SNTB1: variants seen among roughly 807,000 people sequenced by gnomAD.
SNTB1 encodes beta-1-syntrophin.
SNTB1 carries 36 observed loss-of-function variants against 48.9 expected under a neutral mutation model. The ratio of observed to expected loss-of-function variants is 0.74; its 90% CI spans 0.56 to 0.97. SNTB1 has a LOEUF of 0.97. Among genes scored for constraint, SNTB1 ranks in the 50% least tolerant of loss-of-function variants. SNTB1 has a pLI of 0.00. For missense variants in SNTB1, 786 were observed against 703.4 expected, an observed-to-expected ratio of 1.12 and a Z score of -1.33; for synonymous variants, 299 against 294.6, an observed-to-expected ratio of 1.01 and a Z score of -0.15.
At chr8:120,608,653 A>G (rs1816566520) in intron 3 of SNTB1, among the ~76,000 whole-genome samples, 1 of 152,244 alleles carries the variant, frequency 6.6e-6, no homozygotes, top group African/African-American at 2.4e-5. Context: ...GTACTTTGCT[A>G]TGGCAGACTT....
At chr8:120,577,500 G>A (rs1024089694) in intron 3 of SNTB1, among the ~76,000 whole-genome samples, 8 of 152,108 alleles carry the variant, frequency 5.3e-5, no homozygotes, top group Admixed American at 5.2e-4. Flanking sequence ...TGGGGTAGGG[G>A]GAAGGGGGTT....
chr8:120,684,337 T>C (rs1817990617), intron 2 of SNTB1, among the ~76,000 whole-genome samples: 1 of 152,224 alleles, frequency 6.6e-6, no homozygotes, highest in African/African-American at 2.4e-5. Context: ...CCCAAATTCA[T>C]GTCTTTCTCA....
intron 2 of SNTB1, among the ~76,000 whole-genome samples, chr8:120,674,631 A>G (rs1288016763): frequency 1.3e-5 from 2 of 152,162 alleles, no homozygotes; most frequent in East Asian, 1.9e-4. Flanking sequence ...TTACATTCTT[A>G]TAGCATCATA....
chr8:120,713,877 T>C (rs1818509790), intron 1 of SNTB1, among the ~76,000 whole-genome samples: 1 of 152,120 alleles, frequency 6.6e-6, no homozygotes, highest in African/African-American at 2.4e-5. Flanking sequence ...ATGTAGGCAT[T>C]AAAAGAGATA....
chr8:120,645,132 T>C (rs987705068), intron 2 of SNTB1, among the ~76,000 whole-genome samples: 2 of 151,644 alleles, frequency 1.3e-5, no homozygotes, highest in African/African-American at 4.8e-5. Flanking sequence ...ACTCTGATGG[T>C]AGTTTCTTTT....
chr8:120,542,925 G>GA (rs1294747820), intron 5 of SNTB1, among the ~76,000 whole-genome samples: 2 of 152,036 alleles, frequency 1.3e-5, no homozygotes, highest in African/African-American at 4.8e-5. Flanking sequence ...TTGGATCCTG[G>GA]AAAAGCTGCT....
intron 1 of SNTB1, among the ~76,000 whole-genome samples, chr8:120,717,733 T>C (rs1285025184): frequency 6.6e-6 from 1 of 152,132 alleles, no homozygotes; most frequent in African/African-American, 2.4e-5. Flanking sequence ...TCAAGGCAGA[T>C]GTTCTATTGT....
chr8:120,731,489 G>A (rs1818849819), intron 1 of SNTB1, among the ~76,000 whole-genome samples: 1 of 152,214 alleles, frequency 6.6e-6, no homozygotes, highest in African/African-American at 2.4e-5. Context: ...GTCAGCTGAT[G>A]AAAGCCTGGA....
At chr8:120,548,636 A>T in intron 5 of SNTB1, 126 bp downstream of exon 5, 2 of 784,360 alleles carry the variant, frequency 2.5e-6, no homozygotes, top group Non-Finnish European at 4.1e-6. Context: ...AGAAGAATTT[A>T]AATTTGCTTC....
At chr8:120,600,494 C>T (rs753229507) in intron 3 of SNTB1, among the ~76,000 whole-genome samples, 1 of 152,170 alleles carries the variant, frequency 6.6e-6, no homozygotes, top group Non-Finnish European at 1.5e-5. Flanking sequence ...TCCGGCTAAA[C>T]CCAGTCAGCC....
chr8:120,729,227 G>A (rs962308529), intron 1 of SNTB1, among the ~76,000 whole-genome samples: 3 of 152,252 alleles, frequency 2.0e-5, no homozygotes, highest in South Asian at 4.1e-4. Context: ...CAAGTGATCC[G>A]CCCACCTTGG....
intron 1 of SNTB1, among the ~76,000 whole-genome samples, chr8:120,751,534 T>G (rs763256063): frequency 6.6e-6 from 1 of 152,140 alleles, no homozygotes; most frequent in Non-Finnish European, 1.5e-5. Context: ...ATGGTGACAA[T>G]ATTGTTATTG....
At chr8:120,701,195 C>T (rs907066202) in intron 1 of SNTB1, among the ~76,000 whole-genome samples, 1 of 152,080 alleles carries the variant, frequency 6.6e-6, no homozygotes, top group African/African-American at 2.4e-5. Context: ...TTCAAAAAGA[C>T]CAAGAAATGA....
At chr8:120,591,793 G>T (rs1674396080) in intron 3 of SNTB1, among the ~76,000 whole-genome samples, 1 of 152,092 alleles carries the variant, frequency 6.6e-6, no homozygotes, top group African/African-American at 2.4e-5. Context: ...CTCACTGTGT[G>T]CAAAGAGTGT....
intron 1 of SNTB1, among the ~76,000 whole-genome samples, chr8:120,697,177 G>T (rs1195144738): frequency 6.6e-6 from 1 of 152,228 alleles, no homozygotes; most frequent in South Asian, 2.1e-4. Context: ...TCTTAGCCTA[G>T]AAACAAATAT....
intron 1 of SNTB1, among the ~76,000 whole-genome samples, chr8:120,719,288 C>A (rs751527002): frequency 4.6e-5 from 7 of 152,194 alleles, no homozygotes; most frequent in Non-Finnish European, 8.8e-5. Flanking sequence ...AAAGGTCAGA[C>A]TGGCTTAGCC....
intron 1 of SNTB1, among the ~76,000 whole-genome samples, chr8:120,800,089 C>T (rs1474489688): frequency 6.6e-6 from 1 of 152,038 alleles, no homozygotes; most frequent in East Asian, 1.9e-4. Context: ...GTTACTACAT[C>T]TTCCTTGAAA....
chr8:120,698,676 C>T (rs1818251789), intron 1 of SNTB1, among the ~76,000 whole-genome samples: 1 of 152,196 alleles, frequency 6.6e-6, no homozygotes, highest in African/African-American at 2.4e-5. Context: ...TTTTACAAGG[C>T]TTGGCTATCA....
intron 3 of SNTB1, among the ~76,000 whole-genome samples, chr8:120,614,602 C>T (rs954848861): frequency 2.6e-5 from 4 of 152,202 alleles, no homozygotes; most frequent in African/African-American, 7.2e-5. Flanking sequence ...GCCACATGGC[C>T]ACGCCTGGAG....
Sources: allele counts gnomAD v4.1 joint callset (sites outside exome capture counted in the v4.1 genomes callset), GRCh38; gene constraint gnomAD v4.1.1; transcripts MANE v1.5; gene names NCBI Gene and HGNC (gene_info 2026-07-23, HGNC 2026-07-21).